The following UNC13C variants were observed in gnomAD, a reference collection of about 807,000 sequenced individuals.
The protein encoded by UNC13C is unc-13 homolog C, also known as protein unc-13 homolog C.
Under a neutral mutation model 245.4 loss-of-function variants are expected in UNC13C, and 174 were observed. The ratio of observed to expected loss-of-function variants is 0.71; its 90% CI spans 0.63 to 0.80. The LOEUF (loss-of-function observed/expected upper bound fraction) is 0.80. UNC13C is among the 30% of genes least tolerant of loss of function. The probability of loss-of-function intolerance (pLI) is 0.00; values close to 1 mark genes in which losing one functional copy is unlikely to be tolerated. For synonymous variants in UNC13C, 992 were observed against 895.1 expected (o/e 1.11, Z -1.93); for missense variants, 2,829 against 2,602.9 (o/e 1.09, Z -1.89).
chr15:54,090,993 C>T (rs1347835603), intron 2 of UNC13C, among the ~76,000 whole-genome samples: 2 of 149,966 alleles, frequency 1.3e-5, no homozygotes, highest in African/African-American at 4.9e-5. Context: ...CACACTTAGC[C>T]TCAATTCTGT....
At chr15:54,430,614 C>G (rs1158721790) in intron 19 of UNC13C, among the ~76,000 whole-genome samples, 1 of 151,680 alleles carries the variant, frequency 6.6e-6, no homozygotes, top group East Asian at 1.9e-4. Context: ...AACAACTTGT[C>G]AAATTACATT....
downstream of UNC13C, chr15:54,632,753 A>G (rs1468485753): frequency 2.6e-5 from 4 of 152,224 alleles, no homozygotes; most frequent in African/African-American, 7.2e-5. Context: ...CTTATCACCA[A>G]TGTGACACTG....
At chr15:54,547,980 C>T (rs1373210866) in intron 27 of UNC13C, among the ~76,000 whole-genome samples, 3 of 151,672 alleles carry the variant, frequency 2.0e-5, no homozygotes, top group Non-Finnish European at 4.4e-5. Flanking sequence ...TAACTTCAGC[C>T]GAAAAAGAAA....
the UNC13C span, among the ~76,000 whole-genome samples, chr15:53,872,481 TG>T: frequency 6.6e-6 from 1 of 152,196 alleles, no homozygotes; most frequent in Non-Finnish European, 1.5e-5. Flanking sequence ...TTTAGATGGT[TG>T]TCTAAATATT....
intron 19 of UNC13C, among the ~76,000 whole-genome samples, chr15:54,427,983 A>G (rs1404084564): frequency 6.6e-6 from 1 of 151,796 alleles, no homozygotes; most frequent in Non-Finnish European, 1.5e-5. Context: ...GTTATAGCAA[A>G]GAATTAGAAG....
chr15:54,300,212 T>A lies in UNC13C; in HGVS notation c.4107T>A (p.Asn1369Lys). Residue 1369 changes from asparagine to lysine, a missense_variant and splice_region_variant, in exon 13 of 33, where the codon AAT (asparagine) becomes AAA (lysine). By Grantham distance (94) the Asn-to-Lys change is moderately conservative. Transcript: ENST00000260323. ...AATTAAAAACCACTTGCTTTTAGAA[T>A]CTGTTCCATTACTTGACTGAAGTGA... is the stretch of plus-strand genomic sequence containing the variant. ...YHIQYTCLHE[N>K]LFHYLTEVKS... is the part of the protein sequence containing the mutation. The A allele has an allele frequency of 6.3e-7, 1 of 1,597,780 alleles. No homozygotes were observed. The highest frequency in any genetic ancestry group is 8.5e-7 in the Non-Finnish European group (1 of 1,171,410).
chr15:54,065,346 C>T (rs992040500), intron 2 of UNC13C, among the ~76,000 whole-genome samples: 1 of 152,192 alleles, frequency 6.6e-6, no homozygotes, highest in African/African-American at 2.4e-5. Flanking sequence ...GCTTTTTCTG[C>T]ATTATACGAT....
intron 4 of UNC13C, among the ~76,000 whole-genome samples, chr15:54,188,792 G>A (rs2034082361): frequency 6.6e-6 from 1 of 152,010 alleles, no homozygotes; most frequent in South Asian, 2.1e-4. Flanking sequence ...CCCTATTTGA[G>A]GAATTGCATT....
chr15:53,913,150 T>C, the UNC13C span: 4 of 152,224 alleles, frequency 2.6e-5, no homozygotes, highest in Non-Finnish European at 4.4e-5. Flanking sequence ...TTATATTCAC[T>C]TCTGATTCTC....
chr15:54,112,304 C>CAG (rs1330869531), intron 2 of UNC13C, among the ~76,000 whole-genome samples: 1 of 152,072 alleles, frequency 6.6e-6, no homozygotes, highest in Non-Finnish European at 1.5e-5. Flanking sequence ...CTCTTTCCTG[C>CAG]AGAGAGAGAG....
intron 28 of UNC13C, among the ~76,000 whole-genome samples, chr15:54,551,813 C>T (rs553043841): frequency 1.3e-5 from 2 of 151,750 alleles, no homozygotes; most frequent in Non-Finnish European, 2.9e-5. Flanking sequence ...ATTTGAATTA[C>T]AGAGCAATAA....
chr15:54,408,126 G>A (rs549361921), intron 18 of UNC13C, among the ~76,000 whole-genome samples: 11 of 145,880 alleles, frequency 7.5e-5, no homozygotes, highest in African/African-American at 1.8e-4. Flanking sequence ...GCATGAACCC[G>A]AGAGGCGGAG....
intron 13 of UNC13C, chr15:54,321,066 A>G: frequency 2.1e-6 from 1 of 481,130 alleles, no homozygotes; most frequent in South Asian, 1.6e-5. Context: ...AACCGCCTCC[A>G]TGGCCACCAC....
intron 7 of UNC13C, among the ~76,000 whole-genome samples, chr15:54,243,999 A>G (rs567826501): frequency 6.6e-6 from 1 of 151,984 alleles, no homozygotes; most frequent in Admixed American, 6.6e-5. Context: ...CCATTTGTCA[A>G]TTTCTGCTTT....
intron 7 of UNC13C, among the ~76,000 whole-genome samples, chr15:54,240,287 G>A (rs1053107640): frequency 7.2e-5 from 11 of 152,172 alleles, no homozygotes; most frequent in Admixed American, 1.3e-4. Flanking sequence ...CTGTACAACA[G>A]GCATATTAAA....
intron 13 of UNC13C, among the ~76,000 whole-genome samples, chr15:54,310,677 T>A (rs2037844632): frequency 2.0e-5 from 3 of 151,674 alleles, no homozygotes; most frequent in Admixed American, 2.0e-4. Context: ...TGAAGCATCT[T>A]TATGCCTTGG....
At chr15:54,063,343 G>A (rs903989448) in intron 2 of UNC13C, among the ~76,000 whole-genome samples, 2 of 152,112 alleles carry the variant, frequency 1.3e-5, no homozygotes, top group East Asian at 3.9e-4. Flanking sequence ...TGGGGAAGGG[G>A]GCGATAGGCA....
the UNC13C span, among the ~76,000 whole-genome samples, chr15:53,919,181 G>C: frequency 6.6e-6 from 1 of 152,144 alleles, no homozygotes; most frequent in African/African-American, 2.4e-5. Flanking sequence ...CCTACTAGCT[G>C]TGTGAGCTTG....
At chr15:54,595,633 G>A (rs1052497520) in intron 30 of UNC13C, among the ~76,000 whole-genome samples, 1 of 152,136 alleles carries the variant, frequency 6.6e-6, no homozygotes, top group Non-Finnish European at 1.5e-5. Flanking sequence ...TGATTATTTT[G>A]TTTAAGTTAT....
Sources: allele counts gnomAD v4.1 joint callset (sites outside exome capture counted in the v4.1 genomes callset), GRCh38; gene constraint gnomAD v4.1.1; transcripts MANE v1.5; gene names NCBI Gene and HGNC (gene_info 2026-07-23, HGNC 2026-07-21).